Variants in SYT13 observed in about 807,000 individuals in gnomAD.
SYT13 encodes the protein synaptotagmin-13.
SYT13 carries 21 observed loss-of-function variants against 38.6 expected under a neutral mutation model. The observed-to-expected ratio is 0.54, with a 90% CI of 0.39 to 0.78. SYT13 has a LOEUF of 0.78. Ranked by LOEUF, SYT13 falls within the 30% of genes least tolerant of loss-of-function variation. The pLI is 0.00. For synonymous variants in SYT13, 241 were observed against 237.6 expected, an observed-to-expected ratio of 1.01 and a Z score of -0.13; for missense variants, 495 against 548.7, an observed-to-expected ratio of 0.90 and a Z score of 0.98.
At chr11:45,273,157 G>A (rs182250671) in intron 1 of SYT13, among the ~76,000 whole-genome samples, 3 of 152,306 alleles carry the variant, frequency 2.0e-5, no homozygotes, top group East Asian at 3.9e-4. Context: ...AAGGAATGGC[G>A]AGTATGTAGG....
At chr11:45,265,853 C>A (rs1854875677) in intron 1 of SYT13, among the ~76,000 whole-genome samples, 1 of 152,098 alleles carries the variant, frequency 6.6e-6, no homozygotes, top group Admixed American at 6.5e-5. Flanking sequence ...AGTTGGGAAA[C>A]CCTGATTTAG....
rs544124470 is a variant in SYT13 at position 45,282,801 on chromosome 11, C to A, written c.183+3224G>T. Among the ~76,000 whole-genome samples the A allele has an allele frequency of 8.5e-5, 13 of 152,280 alleles. 1 individual carries two copies. In the East Asian group the frequency reaches 1.7e-3, roughly 20 times the overall value. ...TTTTTTTCCTATCCAAGACCACAAA[C>A]CTTTTAATGCTATCTACAGACCCTT... On this transcript the variant is annotated intron_variant, in intron 1 of 5. Coordinates refer to ENST00000020926, the MANE Select transcript of SYT13 (RefSeq NM_020826.3).
chr11:45,267,039 G>C (rs1854891434), intron 1 of SYT13, among the ~76,000 whole-genome samples: 1 of 152,236 alleles, frequency 6.6e-6, no homozygotes, highest in Non-Finnish European at 1.5e-5. Context: ...GCCCTGCACT[G>C]TTCAAACATA....
intron 1 of SYT13, among the ~76,000 whole-genome samples, chr11:45,270,693 G>A (rs1425212162): frequency 6.6e-6 from 1 of 152,134 alleles, no homozygotes; most frequent in African/African-American, 2.4e-5. Context: ...TCAAACCCAT[G>A]TGACTATCAC....
At chr11:45,273,587 T>A in intron 1 of SYT13, among the ~76,000 whole-genome samples, 1 of 152,218 alleles carries the variant, frequency 6.6e-6, no homozygotes, top group East Asian at 1.9e-4. Flanking sequence ...ACTTACTACA[T>A]TCTGTGTATA....
rs757676690 is a variant in SYT13 at position 45,244,209 on chromosome 11, T to TCCACACTG, written c.1116_1123dup (p.Glu375AlafsTer89). The TCCACACTG allele has an allele frequency of 6.2e-7, 1 of 1,614,010 alleles. No homozygotes were observed. The highest frequency in any genetic ancestry group is 8.5e-7 in the Non-Finnish European group (1 of 1,180,030). ...ATCGTCCTGGCCCAGCACTTCCAGCTCCACACTGGAGGCCTGCAGCAGGTC... is the reference window on the plus strand; with the variant it reads ...ATCGTCCTGGCCCAGCACTTCCAGCTCCACACTGCCACACTGGAGGCCTGCAGCAGGTC... On this transcript the variant is annotated frameshift_variant, in exon 6 of 6. Coordinates refer to ENST00000020926, the MANE Select transcript of SYT13 (RefSeq NM_020826.3). LOFTEE classifies it high-confidence loss of function.
At chr11:45,281,571 G>A (rs187895170) in intron 1 of SYT13, among the ~76,000 whole-genome samples, 1 of 152,118 alleles carries the variant, frequency 6.6e-6, no homozygotes, top group Non-Finnish European at 1.5e-5. Context: ...GGAGGCTGAG[G>A]CAGGAGAATC....
At chr11:45,259,582 T>C (rs1203609026) in intron 1 of SYT13, among the ~76,000 whole-genome samples, 1 of 152,112 alleles carries the variant, frequency 6.6e-6, no homozygotes, top group Non-Finnish European at 1.5e-5. Flanking sequence ...TTCTTGGTTG[T>C]CTACCAATAT....
chr11:45,280,292 C>G (rs548094637), intron 1 of SYT13, among the ~76,000 whole-genome samples: 3 of 152,190 alleles, frequency 2.0e-5, no homozygotes, highest in African/African-American at 7.2e-5. Flanking sequence ...AGGGGGAATC[C>G]TTTATGCAGC....
intron 1 of SYT13, among the ~76,000 whole-genome samples, chr11:45,274,764 A>T (rs1854989855): frequency 6.6e-6 from 1 of 152,196 alleles, no homozygotes; most frequent in African/African-American, 2.4e-5. Flanking sequence ...CTATTTGAAA[A>T]GCAAAGTCTT....
intron 4 of SYT13, among the ~76,000 whole-genome samples, chr11:45,247,674 G>A (rs1854629506): frequency 6.6e-6 from 1 of 152,168 alleles, no homozygotes; most frequent in South Asian, 2.1e-4. Context: ...CACTCAGAAG[G>A]GTTGAAATCG....
Position 45,255,962 on chromosome 11 carries a change from A to G in SYT13, c.184-71T>C, listed in dbSNP as rs1325491397. 5.3e-6 allele frequency: 8 copies of G among 1,515,762 alleles called. No homozygotes were observed. The African/African-American group carries it at 5.5e-5, about 10-fold the overall frequency. The allele number at this position is 1,515,762 out of a possible 1,614,324, so 93.9% of individuals were successfully genotyped here. On this transcript the variant is annotated intron_variant, in intron 1 of 5. Transcript: ENST00000020926. The stretch of plus-strand genomic sequence containing the variant: ...GTCTGTTTCCCCCCATGGAAGGGAG[A>G]AACGGTGAACTGACCTGTTGTAGGA...
At chr11:45,276,190 C>T (rs1855007993) in intron 1 of SYT13, among the ~76,000 whole-genome samples, 1 of 152,140 alleles carries the variant, frequency 6.6e-6, no homozygotes, top group Non-Finnish European at 1.5e-5. Context: ...ACCCAATGCT[C>T]AGCAATGATA....
rs1854576339 is a variant in SYT13, at chr11:45,243,440, T to A, written c.*612A>T. On this transcript the variant is annotated 3_prime_UTR_variant, in exon 6 of 6. Coordinates refer to ENST00000020926, the MANE Select transcript of SYT13 (RefSeq NM_020826.3). ...ATATTGTAGAAGGAATTTCTCCACA[T>A]ACAGTGCTCCACCCTCTACATCAGC... The A allele has an allele frequency of 6.6e-6, 1 of 152,214 alleles. No individual in the cohort carries two copies. The highest frequency in any genetic ancestry group is 6.5e-5 in the Admixed American group (1 of 15,290). 9.4% of individuals were successfully genotyped at this position (152,214 alleles called of 1,614,324 possible).
At chr11:45,263,580 A>G (rs547343528) in intron 1 of SYT13, among the ~76,000 whole-genome samples, 8 of 152,330 alleles carry the variant, frequency 5.3e-5, no homozygotes, top group African/African-American at 1.9e-4. Context: ...CAGTATTCAG[A>G]TGATGCCAAC....
rs114562240 is a variant in SYT13, at chr11:45,248,447, T to C, written c.847-1935A>G. Among the ~76,000 whole-genome samples, 1,294 of 152,254 alleles carry C rather than the reference T, an allele frequency of 8.5e-3. 20 individuals carry two copies. The highest frequency in any genetic ancestry group is 0.029 in the African/African-American group (1,215 of 41,524). ...CATTTTAAGCACAAGAACCTCAGAT[T>C]CAGAAAGGGAACATCATTGCCAGAG... On this transcript the variant is annotated intron_variant, in intron 4 of 5. Coordinates refer to ENST00000020926, the MANE Select transcript of SYT13 (RefSeq NM_020826.3).
chr11:45,246,655 C>T, intron 4 of SYT13, 143 bp from the exon 5 acceptor site: 2 of 1,220,240 alleles, frequency 1.6e-6, no homozygotes, highest in Non-Finnish European at 2.2e-6. Flanking sequence ...GCTGGGGTGT[C>T]CACCCTTGCA....
Position 45,241,309 on chromosome 11 carries a change from T to A in SYT13, c.*2743A>T, listed in dbSNP as rs545205422. On this transcript the variant is annotated 3_prime_UTR_variant, in exon 6 of 6. Transcript: ENST00000020926. ...TATATGAATATATATGGAGCACCCATGAGACAGCTTTATCCCAGGCACTTA... is the reference window on the plus strand; with the variant it reads ...TATATGAATATATATGGAGCACCCAAGAGACAGCTTTATCCCAGGCACTTA... 6.6e-6 allele frequency: 1 copy of A among 152,328 alleles called. No homozygotes were observed. The highest frequency in any genetic ancestry group is 1.5e-5 in the Non-Finnish European group (1 of 68,042). 9.4% of individuals were successfully genotyped at this position (152,328 alleles called of 1,614,324 possible).
intron 1 of SYT13, among the ~76,000 whole-genome samples, chr11:45,256,271 G>A (rs1854745888): frequency 1.3e-5 from 2 of 152,144 alleles, no homozygotes; most frequent in East Asian, 3.9e-4. Context: ...GCTCAGAAAT[G>A]CCAGTGGCTC....
Sources: allele counts gnomAD v4.1 joint callset (sites outside exome capture counted in the v4.1 genomes callset), GRCh38; gene constraint gnomAD v4.1.1; transcripts MANE v1.5; gene names NCBI Gene and HGNC (gene_info 2026-07-23, HGNC 2026-07-21).